The following DUSP16 variants were observed in gnomAD, a reference collection of about 807,000 sequenced individuals.
DUSP16 encodes the protein dual specificity protein phosphatase 16.
DUSP16 carries 21 observed loss-of-function variants against 58.3 expected under a neutral mutation model. The ratio of observed to expected loss-of-function variants is 0.36; its 90% CI spans 0.26 to 0.52. DUSP16 has a LOEUF of 0.52. DUSP16 is among the 20% of genes least tolerant of loss of function. DUSP16 has a pLI of 0.94. For missense variants in DUSP16, 726 were observed against 819.0 expected (o/e 0.89, Z 1.39); for synonymous variants, 320 against 323.8 (o/e 0.99, Z 0.12).
In DUSP16 at chr12:12,520,855, A is replaced by C; in HGVS notation, c.228+16T>G. On this transcript the variant is annotated intron_variant, in intron 2 of 6. Transcript: ENST00000298573. Reference sequence around the variant, plus strand: ...GTGTCCATTTATTTTGAAAAGGCAAAAAGGAAAGCGTTTACCTTATGTTTC... The same window carrying C: ...GTGTCCATTTATTTTGAAAAGGCAACAAGGAAAGCGTTTACCTTATGTTTC... The C allele has an allele frequency of 6.2e-7, 1 of 1,612,786 alleles. No homozygotes were observed. Among genetic ancestry groups the C allele is most frequent in the Non-Finnish European group, 8.5e-7 (1 of 1,179,040 alleles).
intron 1 of DUSP16, among the ~76,000 whole-genome samples, chr12:12,532,793 C>A (rs1427692328): frequency 6.6e-6 from 1 of 151,982 alleles, no homozygotes; most frequent in Non-Finnish European, 1.5e-5. Flanking sequence ...ACTAAAAATA[C>A]AAAACTTAGC....
rs778227568 is a variant in DUSP16, at chr12:12,487,137, G to A, written c.582C>T (p.Thr194=). ...GIGYVLNASN[T]CPKPDFIPES... The stretch of plus-strand genomic sequence containing the variant: ...CGGGGATAAAGTCAGGCTTTGGACA[G>A]GTATTGCTGGCATTTAACACATAAC... Residue 194 remains threonine, a synonymous_variant, in exon 5 of 7, where the codon ACC becomes ACT. Coordinates refer to ENST00000298573, the MANE Select transcript of DUSP16 (RefSeq NM_030640.3). 2.5e-6 allele frequency: 4 copies of A among 1,614,156 alleles called. No homozygotes were observed. In the South Asian group the frequency reaches 4.4e-5, roughly 18 times the overall value.
At chr12:12,484,612 ATTTATTTTT>A (rs1943642441) in intron 5 of DUSP16, among the ~76,000 whole-genome samples, 1 of 151,992 alleles carries the variant, frequency 6.6e-6, no homozygotes, top group African/African-American at 2.4e-5. Flanking sequence ...ATTAACCGTA[ATTTATTTTT>A]TTTATTTTTA....
At chr12:12,540,676 T>A (rs1944538527) in intron 1 of DUSP16, among the ~76,000 whole-genome samples, 1 of 151,994 alleles carries the variant, frequency 6.6e-6, no homozygotes, top group Admixed American at 6.6e-5. Context: ...GGTGAGGAGG[T>A]GGTCAATCCC....
At chr12:12,522,953 A>T (rs1181847287) in intron 1 of DUSP16, among the ~76,000 whole-genome samples, 1 of 152,242 alleles carries the variant, frequency 6.6e-6, no homozygotes, top group Admixed American at 6.5e-5. Context: ...TTATTATAGT[A>T]GGTAAATTCT....
At chr12:12,553,841 G>C (rs80067430) in intron 1 of DUSP16, among the ~76,000 whole-genome samples, 7 of 152,162 alleles carry the variant, frequency 4.6e-5, no homozygotes, top group African/African-American at 1.4e-4. Context: ...GGCCTCTTAC[G>C]ATGTGTCTAT....
At chr12:12,500,021 C>G (rs1943887127) in intron 4 of DUSP16, among the ~76,000 whole-genome samples, 1 of 152,074 alleles carries the variant, frequency 6.6e-6, no homozygotes, top group African/African-American at 2.4e-5. Context: ...CCCAGGGAGG[C>G]TGGCAGTGCA....
chr12:12,501,420 A>AT (rs1943908417), intron 3 of DUSP16, among the ~76,000 whole-genome samples: 1 of 152,182 alleles, frequency 6.6e-6, no homozygotes, highest in Admixed American at 6.5e-5. Context: ...CCTTACAATG[A>AT]TCTGCTCTAT....
At chr12:12,536,470 C>T (rs1944463926) in intron 1 of DUSP16, among the ~76,000 whole-genome samples, 1 of 152,168 alleles carries the variant, frequency 6.6e-6, no homozygotes, top group African/African-American at 2.4e-5. Flanking sequence ...ATAGGCCGGG[C>T]ACAGTGGCTC....
intron 3 of DUSP16, among the ~76,000 whole-genome samples, chr12:12,502,889 C>T (rs754894032): frequency 1.2e-4 from 19 of 152,250 alleles, no homozygotes; most frequent in Admixed American, 2.6e-4. Context: ...ATGCCGTTCT[C>T]TTGTCCAAGA....
chr12:12,538,505 C>G (rs1447879696), intron 1 of DUSP16, among the ~76,000 whole-genome samples: 2 of 152,186 alleles, frequency 1.3e-5, no homozygotes, highest in Admixed American at 1.3e-4. Flanking sequence ...AAAATAGCTT[C>G]TAGGGAGTGT....
chr12:12,500,072 C>T (rs2136211780), intron 4 of DUSP16, among the ~76,000 whole-genome samples: 1 of 152,176 alleles, frequency 6.6e-6, no homozygotes, highest in South Asian at 2.1e-4. Flanking sequence ...TAACACCTTT[C>T]CCCACCCCCA....
At position 12,476,120 on chromosome 12, in the gene DUSP16, T is replaced by TAGAC. The variant is rs1555161577; in HGVS notation, c.*709_*712dup. 1.3e-5 allele frequency: 2 copies of TAGAC among 152,644 alleles called. No individual in the cohort carries two copies. Among genetic ancestry groups the TAGAC allele is most frequent in the African/African-American group, 4.8e-5 (2 of 41,456 alleles). 9.5% of individuals were successfully genotyped at this position (152,644 alleles called of 1,614,324 possible). On this transcript the variant is annotated 3_prime_UTR_variant, in exon 7 of 7. Transcript: ENST00000298573. ...TCTAGGCCCACGGGAATTTTGTGCA[T>TAGAC]AGACAGTTTGAATTGGTCTGAAAAG...
intron 3 of DUSP16, among the ~76,000 whole-genome samples, chr12:12,503,380 C>T (rs1943940180): frequency 6.6e-6 from 1 of 152,030 alleles, no homozygotes; most frequent in Non-Finnish European, 1.5e-5. Flanking sequence ...CGCATGCCAC[C>T]ACATTTGGCT....
rs796736354 is a variant in DUSP16 at position 12,475,665 on chromosome 12, A to G, written c.*1168T>C. The G allele has an allele frequency of 2.6e-5, 4 of 152,334 alleles. No homozygotes were observed. Among genetic ancestry groups the G allele is most frequent in the African/African-American group, 9.6e-5 (4 of 41,576 alleles). The allele number at this position is 152,334 out of a possible 1,614,324, so 9.4% of individuals were successfully genotyped here. ...ATCAGCCCCATCGCATGCCGAGGGG[A>G]TAAAAGCCACTAAGGAAACAGGTTT... On this transcript the variant is annotated 3_prime_UTR_variant, in exon 7 of 7. Transcript: ENST00000298573.
rs200519285 is a variant in DUSP16, at chr12:12,477,489, C to G, written c.1342G>C (p.Val448Leu). The G allele has an allele frequency of 1.3e-6, 2 of 1,596,340 alleles. No homozygotes were observed. The highest frequency in any genetic ancestry group is 2.7e-5 in the African/African-American group (2 of 74,642). The change falls in exon 7 of 7, where the codon GTT (valine) becomes CTT (leucine). Residue 448 changes from valine (V) to leucine (L), a missense_variant. Physicochemically the swap from Val to Leu is conservative, Grantham distance 32 (BLOSUM62 1). Coordinates refer to ENST00000298573, the MANE Select transcript of DUSP16 (RefSeq NM_030640.3). This position sits in a 1 kb window ranked among gnomAD's most constrained non-coding sequence, Gnocchi z 4.1. ...GTNKLCQFSPVQELSEQTPET... is the reference protein window; with the variant it reads ...GTNKLCQFSPLQELSEQTPET... ...GGAGTCTGCTCCGATAGTTCCTGAA[C>G]AGGGGAGAACTGGCATAGCTTGTTG...
chr12:12,554,966 G>C (rs767708133), intron 1 of DUSP16, among the ~76,000 whole-genome samples: 4 of 152,168 alleles, frequency 2.6e-5, no homozygotes, highest in Admixed American at 6.5e-5. Context: ...TACAAAACAA[G>C]TCAAGAACTA....
At chr12:12,555,163 G>A (rs1001298412) in intron 1 of DUSP16, among the ~76,000 whole-genome samples, 7 of 152,172 alleles carry the variant, frequency 4.6e-5, no homozygotes, top group Non-Finnish European at 1.0e-4. Context: ...ACTGTGAGCC[G>A]AAAAAGGTGA....
chr12:12,542,053 A>G (rs1944567297), intron 1 of DUSP16, among the ~76,000 whole-genome samples: 2 of 152,212 alleles, frequency 1.3e-5, no homozygotes, highest in South Asian at 2.1e-4. Context: ...GATACCAAAG[A>G]CCACATATTA....
Sources: gnomAD v4.1 joint callset for allele counts (sites outside exome capture counted in the v4.1 genomes callset) on GRCh38, gnomAD v4.1.1 for gene constraint, Gnocchi (gnomAD v3.1) non-coding constraint, MANE v1.5 for transcripts, NCBI Gene and HGNC (gene_info 2026-07-23, HGNC 2026-07-21) for gene names.